ZMIZ1: variants seen among roughly 807,000 people sequenced by gnomAD.
The protein encoded by ZMIZ1 is zinc finger MIZ domain-containing protein 1.
In ZMIZ1, 17 loss-of-function variants were observed where a neutral mutation model predicts 113.9. The ratio of observed to expected loss-of-function variants is 0.15; its 90% confidence interval spans 0.10 to 0.22. The LOEUF (loss-of-function observed/expected upper bound fraction) is 0.22. Ranked by LOEUF, ZMIZ1 falls within the 10% of genes least tolerant of loss-of-function variation. The pLI is 1.00. For synonymous variants in ZMIZ1, 607 were observed against 603.1 expected, an observed-to-expected ratio of 1.01 and a Z score of -0.09; for missense variants, 1,059 against 1,477.8, an observed-to-expected ratio of 0.72 and a Z score of 4.65.
chr10:79,240,308 T>C (rs1849766061), intron 7 of ZMIZ1, among the ~76,000 whole-genome samples: 1 of 152,248 alleles, frequency 6.6e-6, no homozygotes, highest in Non-Finnish European at 1.5e-5. Context: ...CTGCGGCCTC[T>C]TTGCTGTAGA....
chr10:79,208,094 G>A (rs550993795), intron 5 of ZMIZ1, among the ~76,000 whole-genome samples: 1 of 137,878 alleles, frequency 7.3e-6, no homozygotes. Context: ...TGGTGGGGGT[G>A]GAGTGGAGGT....
At chr10:79,094,025 A>T (rs936571428) in intron 1 of ZMIZ1, among the ~76,000 whole-genome samples, 4 of 152,242 alleles carry the variant, frequency 2.6e-5, no homozygotes, top group African/African-American at 9.6e-5. Flanking sequence ...ATAAATAAAC[A>T]GTCGACCGAG....
intron 7 of ZMIZ1, among the ~76,000 whole-genome samples, chr10:79,226,706 T>C (rs1849213498): frequency 6.6e-6 from 1 of 152,214 alleles, no homozygotes; most frequent in Admixed American, 6.5e-5. Context: ...GTTGTGGAAC[T>C]TTTTTTAACC....
At chr10:79,274,094 C>A (rs532764000) in intron 7 of ZMIZ1, among the ~76,000 whole-genome samples, 6 of 152,086 alleles carry the variant, frequency 3.9e-5, no homozygotes, top group African/African-American at 1.4e-4. Flanking sequence ...GTAAGTGGGG[C>A]CCACAGGACA....
Position 79,313,047 on chromosome 10 carries a change from A to G in ZMIZ1, c.*298A>G. The G allele has an allele frequency of 2.3e-6, 1 of 426,946 alleles. No individual in the cohort carries two copies. The highest frequency in any genetic ancestry group is 4.3e-6 in the Non-Finnish European group (1 of 234,894). 26.4% of individuals were successfully genotyped at this position (426,946 alleles called of 1,614,324 possible). On this transcript the variant is annotated 3_prime_UTR_variant, in exon 25 of 25. Transcript: ENST00000334512. Reference sequence around the variant, plus strand: ...TCCCGAGAGGAACCAGCCCGGTAAGAGGGCACACGCTGATGCGGCTTCCCG... The same window carrying G: ...TCCCGAGAGGAACCAGCCCGGTAAGGGGGCACACGCTGATGCGGCTTCCCG...
intron 8 of ZMIZ1, among the ~76,000 whole-genome samples, chr10:79,284,505 G>A (rs1417040561): frequency 6.6e-6 from 1 of 152,166 alleles, no homozygotes; most frequent in African/African-American, 2.4e-5. Flanking sequence ...AAAATTCCTA[G>A]GCCACTTTCA....
At chr10:79,141,526 G>T (rs1845269133) in intron 3 of ZMIZ1, among the ~76,000 whole-genome samples, 1 of 151,964 alleles carries the variant, frequency 6.6e-6, no homozygotes, top group African/African-American at 2.4e-5. Context: ...TCCCACCTCA[G>T]CCCCCTGAGT....
intron 1 of ZMIZ1, among the ~76,000 whole-genome samples, chr10:79,088,268 C>T (rs1842875127): frequency 6.6e-6 from 1 of 152,370 alleles, no homozygotes; most frequent in Middle Eastern, 3.4e-3. Flanking sequence ...CCAGGCTTGG[C>T]TTCCTGGGAG....
chr10:79,288,620 C>G (rs574528297), intron 8 of ZMIZ1, among the ~76,000 whole-genome samples: 4 of 152,294 alleles, frequency 2.6e-5, no homozygotes, highest in East Asian at 3.9e-4. Context: ...GGTTCCACAT[C>G]TAGAATTTTG....
chr10:79,282,214 G>C (rs769427555), intron 8 of ZMIZ1, among the ~76,000 whole-genome samples: 1 of 152,226 alleles, frequency 6.6e-6, no homozygotes, highest in Non-Finnish European at 1.5e-5. Flanking sequence ...AAAGCTGAGC[G>C]CTTTCACAAT....
At chr10:79,104,700 A>T (rs1369811969) in intron 1 of ZMIZ1, among the ~76,000 whole-genome samples, 3 of 152,150 alleles carry the variant, frequency 2.0e-5, no homozygotes, top group African/African-American at 7.2e-5. Context: ...TGGGCCTGGG[A>T]GTCCTGCCAA....
In ZMIZ1 at chr10:79,069,080, G is replaced by C. The variant is rs910106473; in HGVS notation, c.-527G>C. The C allele has an allele frequency of 2.0e-5, 3 of 151,004 alleles. No individual in the cohort carries two copies. The highest frequency in any genetic ancestry group is 4.4e-5 in the Non-Finnish European group (3 of 67,632). The allele number at this position is 151,004 out of a possible 1,614,324, so 9.4% of individuals were successfully genotyped here. ...CGGCCGGGCGGCAGGCGGGCGAGCA[G>C]CGATCGGGCGGCCGAGCGAGCGAGC... On this transcript the variant is annotated 5_prime_UTR_variant, in exon 1 of 25. Coordinates refer to ENST00000334512, the MANE Select transcript of ZMIZ1 (RefSeq NM_020338.4). The surrounding 1 kb of genome is among the most constrained non-coding windows in gnomAD (Gnocchi z 4.6).
intron 4 of ZMIZ1, among the ~76,000 whole-genome samples, chr10:79,192,349 T>C (rs1251719083): frequency 6.6e-6 from 1 of 152,252 alleles, no homozygotes; most frequent in Non-Finnish European, 1.5e-5. Context: ...TAGGCATAGC[T>C]GTGTGGGGCT....
chr10:79,082,302 C>T (rs904668632), intron 1 of ZMIZ1, among the ~76,000 whole-genome samples: 6 of 152,264 alleles, frequency 3.9e-5, no homozygotes, highest in Admixed American at 3.3e-4. Flanking sequence ...TCTCTCACTT[C>T]CTGGCTTATA....
At chr10:79,244,083 A>AT (rs1046551570) in intron 7 of ZMIZ1, among the ~76,000 whole-genome samples, 10 of 152,166 alleles carry the variant, frequency 6.6e-5, no homozygotes, top group Non-Finnish European at 1.5e-4. Flanking sequence ...AAAAATAAGA[A>AT]TCGGCCAGGA....
intron 7 of ZMIZ1, among the ~76,000 whole-genome samples, chr10:79,273,134 A>G (rs935017948): frequency 1.3e-5 from 2 of 152,048 alleles, no homozygotes; most frequent in Admixed American, 6.5e-5. Context: ...TTGTGCCTCT[A>G]TTTCTCCTCC....
At chr10:79,145,812 C>A (rs556599371) in intron 3 of ZMIZ1, among the ~76,000 whole-genome samples, 1 of 152,176 alleles carries the variant, frequency 6.6e-6, no homozygotes, top group African/African-American at 2.4e-5. Context: ...GCTCAACTGA[C>A]CCTCCCACCT....
intron 8 of ZMIZ1, among the ~76,000 whole-genome samples, chr10:79,280,317 C>A (rs1301357472): frequency 6.6e-6 from 1 of 152,132 alleles, no homozygotes; most frequent in Non-Finnish European, 1.5e-5. Flanking sequence ...CCCTGTTGGA[C>A]AAGCTGGAAT....
chr10:79,190,774 A>C (rs1847566288), intron 4 of ZMIZ1, among the ~76,000 whole-genome samples: 1 of 152,104 alleles, frequency 6.6e-6, no homozygotes, highest in Non-Finnish European at 1.5e-5. Context: ...ACTGTGATAT[A>C]AGGTTGCTTG....
Sources: allele counts gnomAD v4.1 joint callset (sites outside exome capture counted in the v4.1 genomes callset), GRCh38; gene constraint gnomAD v4.1.1; non-coding constraint Gnocchi (gnomAD v3.1); transcripts MANE v1.5; gene names NCBI Gene and HGNC (gene_info 2026-07-23, HGNC 2026-07-21).